CSTPP1: variants seen among roughly 807,000 people sequenced by gnomAD.
The protein encoded by CSTPP1 is centriolar satellite-associated tubulin polyglutamylase complex regulator 1.
chr11:47,146,753 C>T, the CSTPP1 span, among the ~76,000 whole-genome samples: 3 of 152,108 alleles, frequency 2.0e-5, no homozygotes, highest in Non-Finnish European at 4.4e-5. Context: ...GTAATGGCCG[C>T]CATTGGAACA....
At chr11:46,950,531 T>A in the CSTPP1 span, among the ~76,000 whole-genome samples, 2 of 152,046 alleles carry the variant, frequency 1.3e-5, no homozygotes, top group Admixed American at 6.6e-5. Context: ...ATATATATAT[T>A]TTTTAATACA....
chr11:47,140,910 C>T, the CSTPP1 span, among the ~76,000 whole-genome samples: 1 of 151,778 alleles, frequency 6.6e-6, no homozygotes, highest in Non-Finnish European at 1.5e-5. Flanking sequence ...ACCATCCTGG[C>T]TATCATGGTG....
chr11:47,152,242 CAAAA>C, the CSTPP1 span, among the ~76,000 whole-genome samples: 1 of 136,270 alleles, frequency 7.3e-6, no homozygotes, highest in Non-Finnish European at 1.6e-5. Flanking sequence ...GAGCAAGACT[CAAAA>C]AAAAAAAAAA....
chr11:47,144,661 G>A, the CSTPP1 span, among the ~76,000 whole-genome samples: 1 of 152,192 alleles, frequency 6.6e-6, no homozygotes, highest in South Asian at 2.1e-4. Flanking sequence ...AAGACTTCTT[G>A]TGATTGGCCT....
At chr11:46,942,414 G>A in the CSTPP1 span, among the ~76,000 whole-genome samples, 1 of 152,132 alleles carries the variant, frequency 6.6e-6, no homozygotes, top group Admixed American at 6.5e-5. Context: ...TACCACCTAC[G>A]TGCTGACCTG....
the CSTPP1 span, among the ~76,000 whole-genome samples, chr11:47,056,968 A>G: frequency 6.6e-6 from 1 of 152,218 alleles, no homozygotes; most frequent in African/African-American, 2.4e-5. Context: ...AGAGCATAAC[A>G]TATCTAAAAA....
At chr11:47,115,278 G>A in the CSTPP1 span, among the ~76,000 whole-genome samples, 1 of 152,090 alleles carries the variant, frequency 6.6e-6, no homozygotes, top group Non-Finnish European at 1.5e-5. Flanking sequence ...CAGGGATATT[G>A]GTCTAAAATT....
the CSTPP1 span, among the ~76,000 whole-genome samples, chr11:47,021,742 G>C: frequency 6.6e-6 from 1 of 152,266 alleles, no homozygotes; most frequent in Admixed American, 6.5e-5. Flanking sequence ...GAATAAAAGA[G>C]ATCTGGGGGG....
the CSTPP1 span, among the ~76,000 whole-genome samples, chr11:47,031,067 T>G: frequency 6.6e-6 from 1 of 152,242 alleles, no homozygotes; most frequent in Non-Finnish European, 1.5e-5. Context: ...TAATTCTTTC[T>G]TGGTAGTCCC....
the CSTPP1 span, among the ~76,000 whole-genome samples, chr11:47,107,121 A>C: frequency 1.3e-5 from 2 of 152,324 alleles, no homozygotes; most frequent in East Asian, 3.9e-4. Context: ...GATGGTGTGC[A>C]GTCGGGATGT....
At chr11:47,142,841 G>GGCTT in the CSTPP1 span, among the ~76,000 whole-genome samples, 1 of 152,082 alleles carries the variant, frequency 6.6e-6, no homozygotes, top group East Asian at 1.9e-4. Context: ...GATACCAAGG[G>GGCTT]GCTTCTGGAA....
At chr11:47,079,073 G>A in the CSTPP1 span, among the ~76,000 whole-genome samples, 1 of 152,158 alleles carries the variant, frequency 6.6e-6, no homozygotes, top group African/African-American at 2.4e-5. Flanking sequence ...TGCTCAAGGA[G>A]AGTCAGTGCT....
At chr11:46,962,443 A>G in the CSTPP1 span, among the ~76,000 whole-genome samples, 3 of 152,282 alleles carry the variant, frequency 2.0e-5, no homozygotes, top group African/African-American at 7.2e-5. Context: ...TATGAATTTT[A>G]GGATCAGCTT....
chr11:46,938,800 C>T, the CSTPP1 span, among the ~76,000 whole-genome samples: 5 of 110,048 alleles, frequency 4.5e-5, no homozygotes, highest in African/African-American at 1.6e-4. Context: ...TTTTTTGAGA[C>T]AATGTCTGGC....
the CSTPP1 span, among the ~76,000 whole-genome samples, chr11:47,076,458 G>A: frequency 1.5e-4 from 23 of 152,218 alleles, 2 homozygotes; most frequent in Admixed American, 7.2e-4. Context: ...TTAGTACCTC[G>A]CACCAAATAG....
At chr11:47,035,334 C>T in the CSTPP1 span, among the ~76,000 whole-genome samples, 5 of 152,012 alleles carry the variant, frequency 3.3e-5, no homozygotes, top group East Asian at 5.8e-4. Flanking sequence ...CGTATGGGTC[C>T]GATAGTGTTA....
At chr11:46,963,549 C>T in the CSTPP1 span, among the ~76,000 whole-genome samples, 4 of 151,788 alleles carry the variant, frequency 2.6e-5, no homozygotes, top group Non-Finnish European at 5.9e-5. Flanking sequence ...GCGAGAAGGC[C>T]TGGATGGGCA....
the CSTPP1 span, among the ~76,000 whole-genome samples, chr11:47,141,488 T>A: frequency 1.3e-5 from 2 of 151,744 alleles, no homozygotes; most frequent in Non-Finnish European, 2.9e-5. Flanking sequence ...GCGTCTGTGG[T>A]CCCAATTACT....
At chr11:47,078,262 G>A in the CSTPP1 span, among the ~76,000 whole-genome samples, 2 of 152,204 alleles carry the variant, frequency 1.3e-5, no homozygotes, top group African/African-American at 4.8e-5. Flanking sequence ...TTTGGTTGGG[G>A]TGAAATGAGT....
Sources: gnomAD v4.1 joint callset for allele counts (sites outside exome capture counted in the v4.1 genomes callset) on GRCh38, gnomAD v4.1.1 for gene constraint, MANE v1.5 for transcripts, NCBI Gene and HGNC (gene_info 2026-07-23, HGNC 2026-07-21) for gene names.